TEK: variants seen among roughly 807,000 people sequenced by gnomAD.
TEK encodes the protein TEK receptor tyrosine kinase, also known as angiopoietin-1 receptor.
Under a neutral mutation model 131.8 loss-of-function variants are expected in TEK, and 43 were observed. The observed-to-expected ratio is 0.33, with a 90% CI of 0.26 to 0.42. The LOEUF is 0.42. Among genes scored for constraint, TEK ranks in the 10% least tolerant of loss-of-function variants. TEK has a pLI of 1.00. For synonymous variants in TEK, 580 were observed against 491.6 expected, an observed-to-expected ratio of 1.18 and a Z score of -2.38; for missense variants, 1,162 against 1,384.4, an observed-to-expected ratio of 0.84 and a Z score of 2.55.
intron 1 of TEK, among the ~76,000 whole-genome samples, chr9:27,129,181 A>G (rs1822114092): frequency 6.6e-6 from 1 of 152,176 alleles, no homozygotes; most frequent in Non-Finnish European, 1.5e-5. Context: ...AGTTTTTAGC[A>G]TGAAAGGGTG....
At chr9:27,218,093 C>T (rs1587038569) in intron 19 of TEK, among the ~76,000 whole-genome samples, 1 of 145,664 alleles carries the variant, frequency 6.9e-6, no homozygotes, top group Admixed American at 6.9e-5. Flanking sequence ...AGGAAGCAAC[C>T]CAGAATAGCT....
At chr9:27,186,229 G>A (rs1408397552) in intron 9 of TEK, among the ~76,000 whole-genome samples, 5 of 152,170 alleles carry the variant, frequency 3.3e-5, no homozygotes, top group African/African-American at 4.8e-5. Flanking sequence ...GTGTTTGTGT[G>A]TAGATTTGTG....
At chr9:27,120,833 A>C (rs1821756370) in intron 1 of TEK, among the ~76,000 whole-genome samples, 1 of 152,174 alleles carries the variant, frequency 6.6e-6, no homozygotes, top group South Asian at 2.1e-4. Flanking sequence ...TGGGATGAGG[A>C]GGGTTTGCAC....
intron 1 of TEK, among the ~76,000 whole-genome samples, chr9:27,149,908 A>G (rs78240351): frequency 0.011 from 1,727 of 152,288 alleles, 45 homozygotes; most frequent in African/African-American, 0.04. Flanking sequence ...TGATAAACAC[A>G]GTGCATTTAG....
rs149712446 is a variant in TEK at position 27,185,551 on chromosome 9, C to G, written c.1249C>G (p.Pro417Ala). The change falls in exon 9 of 23, where the codon CCT becomes GCT. Residue 417 changes from proline (P) to alanine (A), a missense_variant. Coordinates refer to ENST00000380036, the MANE Select transcript of TEK (RefSeq NM_000459.5). ...AIFTIHRILP[P>A]DSGVWVCSVN... ...ATTCACCATCCACCGGATCCTCCCC[C>G]CTGACTCAGGAGTTTGGGTCTGCAG... is the stretch of plus-strand genomic sequence containing the variant. 128 of 1,613,842 alleles carry G rather than the reference C, an allele frequency of 7.9e-5. 1 individual carries two copies. Among genetic ancestry groups the G allele is most frequent in the African/African-American group, 2.0e-4 (15 of 74,990 alleles).
intron 1 of TEK, among the ~76,000 whole-genome samples, chr9:27,125,985 A>C (rs55861212): frequency 2.1e-4 from 32 of 152,292 alleles, no homozygotes; most frequent in Non-Finnish European, 4.3e-4. Flanking sequence ...ACTTGCAGCT[A>C]AGGAGGTTTT....
chr9:27,147,048 T>G (rs1274510524), intron 1 of TEK, among the ~76,000 whole-genome samples: 1 of 152,174 alleles, frequency 6.6e-6, no homozygotes, highest in Non-Finnish European at 1.5e-5. Context: ...TGTATGAATG[T>G]ACATTTTCAT....
Position 27,192,580 on chromosome 9 carries a change from A to C in TEK, c.1581A>C (p.Glu527Asp). The change falls in exon 11 of 23, where the codon GAA (glutamate) becomes GAC (aspartate). Residue 527 changes from glutamate to aspartate, a missense_variant. By Grantham distance (45) the Glu-to-Asp change is conservative. This residue lies in a region of TEK where 477 missense variants were observed against 471.0 expected (regional missense o/e 1.01). Transcript: ENST00000380036. ...TGGTCCGTCGTGGAGAGGGTGGGGA[A>C]GGGCATCCTGGACCTGTGAGACGCT... ...VQLVRRGEGGEGHPGPVRRFT... is the reference protein window; with the variant it reads ...VQLVRRGEGGDGHPGPVRRFT... 1 of 1,613,686 alleles carries C rather than the reference A, an allele frequency of 6.2e-7. No individual in the cohort carries two copies. Among genetic ancestry groups the C allele is most frequent in the African/African-American group, 1.3e-5 (1 of 74,982 alleles).
intron 5 of TEK, 110 bp downstream of exon 5, chr9:27,172,857 T>C (rs554010053): frequency 7.0e-7 from 1 of 1,427,188 alleles, no homozygotes; most frequent in African/African-American, 1.4e-5. Context: ...TGGCCTCTGT[T>C]AGGTCAGATG....
At position 27,229,883 on chromosome 9, in the gene TEK, G is replaced by A. The variant is rs1826496711; in HGVS notation, c.*651G>A. On this transcript the variant is annotated 3_prime_UTR_variant, in exon 23 of 23. Coordinates refer to ENST00000380036, the MANE Select transcript of TEK (RefSeq NM_000459.5). Reference sequence around the variant, plus strand: ...TCTAAAAATAGACTTAAATCTCATTGCTTACAAGCCTAAGAATCTTTAGAG... The same window carrying A: ...TCTAAAAATAGACTTAAATCTCATTACTTACAAGCCTAAGAATCTTTAGAG... 6.5e-6 allele frequency: 1 copy of A among 152,682 alleles called. No individual in the cohort carries two copies. Among genetic ancestry groups the A allele is most frequent in the Admixed American group, 6.5e-5 (1 of 15,358 alleles). 9.5% of individuals were successfully genotyped at this position (152,682 alleles called of 1,614,324 possible).
chr9:27,202,962 C>T lies in TEK; in HGVS notation c.2052C>T (p.His684=), dbSNP rs35818764. ...TTCAAGGCAAGAATGAAGACCAGCA[C>T]GTTGATGTGAAGATAAAGAATGCCA... ...YKVQGKNEDQ[H]VDVKIKNATI... is the part of the protein sequence containing the mutation. Residue 684 remains histidine, a synonymous_variant, in exon 13 of 23, where the codon CAC becomes CAT. Transcript: ENST00000380036. The T allele has an allele frequency of 4.8e-5, 78 of 1,613,948 alleles. 1 individual carries two copies. The South Asian group carries it at 6.1e-4, about 13-fold the overall frequency.
At chr9:27,142,935 A>G (rs1303381341) in intron 1 of TEK, among the ~76,000 whole-genome samples, 5 of 152,210 alleles carry the variant, frequency 3.3e-5, no homozygotes, top group Non-Finnish European at 2.9e-5. Flanking sequence ...AGTTAAAGCT[A>G]TTGTTAATGA....
chr9:27,117,519 G>T (rs911167869), intron 1 of TEK, among the ~76,000 whole-genome samples: 3 of 151,986 alleles, frequency 2.0e-5, no homozygotes, highest in Non-Finnish European at 4.4e-5. Context: ...TCAGGAATCT[G>T]ATCATTCTTC....
intron 14 of TEK, 144 bp downstream of exon 14, chr9:27,205,209 T>C: frequency 9.4e-7 from 1 of 1,064,424 alleles, no homozygotes; most frequent in Non-Finnish European, 1.4e-6. Flanking sequence ...GCTTTCATTA[T>C]GAAATGGGAG....
At chr9:27,158,236 A>T in intron 2 of TEK, 94 bp downstream of exon 2, 2 of 1,382,612 alleles carry the variant, frequency 1.4e-6, no homozygotes, top group Non-Finnish European at 2.1e-6. Flanking sequence ...CAGGGCATGC[A>T]CTACCTGAAT....
intron 9 of TEK, among the ~76,000 whole-genome samples, chr9:27,189,788 C>T (rs192734762): frequency 6.6e-6 from 1 of 152,212 alleles, no homozygotes; most frequent in East Asian, 1.9e-4. Context: ...AATTTTAGCA[C>T]AGTGAGATGC....
chr9:27,115,903 C>A (rs1280177376), intron 1 of TEK, among the ~76,000 whole-genome samples: 1 of 152,102 alleles, frequency 6.6e-6, no homozygotes, highest in Non-Finnish European at 1.5e-5. Flanking sequence ...GTAGGTTGTC[C>A]CTCATTCTGT....
rs1230096564 is a variant in TEK at position 27,173,330 on chromosome 9, C to G, written c.869C>G (p.Ala290Gly). 3 of 1,613,848 alleles carry G rather than the reference C, an allele frequency of 1.9e-6. No individual in the cohort carries two copies. In the African/African-American group the frequency reaches 4.0e-5, roughly 22 times the overall value. ...CLPDPYGCSC[A>G]TGWKGLQCNE... ...CCTGACCCCTATGGGTGTTCCTGTG[C>G]CACAGGCTGGAAGGGTCTGCAGTGC... The change falls in exon 6 of 23, where the codon GCC becomes GGC. Residue 290 changes from alanine (A) to glycine (G), a missense_variant. Ala to Gly is a moderately conservative substitution (Grantham distance 60). Transcript: ENST00000380036.
chr9:27,121,305 G>A (rs750603156), intron 1 of TEK, among the ~76,000 whole-genome samples: 8 of 152,132 alleles, frequency 5.3e-5, no homozygotes, highest in South Asian at 4.1e-4. Flanking sequence ...CAGCCTGGGC[G>A]ACAAGAGTGA....
Sources: allele counts gnomAD v4.1 joint callset (sites outside exome capture counted in the v4.1 genomes callset), GRCh38; gene constraint gnomAD v4.1.1; regional missense constraint gnomAD v4.1.1; transcripts MANE v1.5; gene names NCBI Gene and HGNC (gene_info 2026-07-23, HGNC 2026-07-21).